Variants in SSX5 observed in about 807,000 individuals in gnomAD.
The protein encoded by SSX5 is SSX family member 5.
In SSX5, 14 loss-of-function variants were observed where a neutral mutation model predicts 14.9. The observed-to-expected ratio is 0.94, with a 90% CI of 0.62 to 1.47. The LOEUF (loss-of-function observed/expected upper bound fraction) is 1.47, where lower values mean the gene tolerates loss of function less well. Among genes scored for constraint, SSX5 ranks in the 40% most tolerant of loss-of-function variants. The pLI, the probability that SSX5 is intolerant of heterozygous loss-of-function variation, is 0.00. For missense variants in SSX5, 204 were observed against 154.6 expected (o/e 1.32, Z -1.70); for synonymous variants, 70 against 55.4 (o/e 1.26, Z -1.17).
chrX:48,187,027 G>A (rs1409751568), intron 7 of SSX5, among the ~76,000 whole-genome samples, 171 bp from the exon 8 acceptor site: 3 of 111,645 alleles, frequency 2.7e-5, no homozygotes, highest in Non-Finnish European at 3.8e-5. Flanking sequence ...TCATACCACA[G>A]TGACTTCCTC....
chrX:48,186,258 G>C lies in SSX5; in HGVS notation c.*603C>G, dbSNP rs184600484. On this transcript the variant is annotated 3_prime_UTR_variant, in exon 8 of 8. Transcript: ENST00000347757. ...GTTTATTAACTGGCAGTGACTGATA[G>C]AGGGGAATCGGATGAGGGGAGTACA... is the stretch of plus-strand genomic sequence containing the variant. The C allele has an allele frequency of 2.3e-3, 347 of 152,252 alleles. No individual in the cohort carries two copies. The highest frequency in any genetic ancestry group is 0.01 in the African/African-American group (319 of 31,523). The allele number at this position is 152,252 out of a possible 1,213,427, so 12.5% of individuals were successfully genotyped here.
intron 4 of SSX5, among the ~76,000 whole-genome samples, chrX:48,193,622 G>C (rs1476216051): frequency 9.0e-6 from 1 of 110,678 alleles, no homozygotes; most frequent in Non-Finnish European, 1.9e-5. Context: ...TTGGGTGGGC[G>C]CCTGTAACCC....
chrX:48,195,395 C>A lies in SSX5; in HGVS notation c.-20-17G>T. On this transcript the variant is annotated splice_polypyrimidine_tract_variant and intron_variant, in intron 1 of 7. Transcript: ENST00000347757. Reference sequence around the variant, plus strand: ...CACTCTGTCCTACAAGAGAAACAGTCTGAGTCTTTCCAGCTGCAGGACCTT... The same window carrying A: ...CACTCTGTCCTACAAGAGAAACAGTATGAGTCTTTCCAGCTGCAGGACCTT... 1 of 1,196,334 alleles carries A rather than the reference C, an allele frequency of 8.4e-7. No homozygotes were observed. Among genetic ancestry groups the A allele is most frequent in the Non-Finnish European group, 1.1e-6 (1 of 883,439 alleles).
chrX:48,195,170 C>A (rs781787831), intron 2 of SSX5, 120 bp downstream of exon 2: 4 of 1,210,593 alleles, frequency 3.3e-6, no homozygotes. Context: ...TCCCAAGGTT[C>A]CAGATGTCCC....
intron 5 of SSX5, among the ~76,000 whole-genome samples, chrX:48,190,815 C>A (rs1253925365): frequency 9.0e-6 from 1 of 111,312 alleles, no homozygotes; most frequent in East Asian, 2.8e-4. Flanking sequence ...ACCAGCCTAC[C>A]GAGGCACCAA....
chrX:48,186,994 G>C, intron 7 of SSX5, 138 bp from the exon 8 acceptor site: 2 of 736,933 alleles, frequency 2.7e-6, no homozygotes, highest in Middle Eastern at 4.5e-4. Flanking sequence ...GCCTTCCATG[G>C]TTCCTTGAAG....
chrX:48,186,768 T>A lies in SSX5; in HGVS notation c.*93A>T. 8.4e-7 allele frequency: 1 copy of A among 1,194,413 alleles called. No homozygotes were observed. Among genetic ancestry groups the A allele is most frequent in the African/African-American group, 1.7e-5 (1 of 57,620 alleles). On this transcript the variant is annotated 3_prime_UTR_variant, in exon 8 of 8. Coordinates refer to ENST00000347757, the MANE Select transcript of SSX5 (RefSeq NM_175723.2). ...CACTTGCTTTCACTTGCTATACACC[T>A]GATGACGAGGGATCCGCAGCCATGC... is the stretch of plus-strand genomic sequence containing the variant.
chrX:48,190,050 G>A, intron 6 of SSX5, 83 bp downstream of exon 6: 1 of 1,148,066 alleles, frequency 8.7e-7, no homozygotes, highest in Admixed American at 2.5e-5. Flanking sequence ...GGCTTGTCTG[G>A]GGTCCATGCC....
chrX:48,186,392 GTGTGTGTGTGTGCGCGCGCGCGCGCA>G lies in SSX5; in HGVS notation c.*443_*468del, dbSNP rs1443286255. The G allele has an allele frequency of 3.1e-4, 75 of 238,673 alleles. No individual in the cohort carries two copies. The highest frequency in any genetic ancestry group is 5.3e-5 in the Non-Finnish European group (7 of 132,998). 19.7% of individuals were successfully genotyped at this position (238,673 alleles called of 1,213,427 possible). A position where few individuals can be genotyped will look rare whatever the true frequency, so the allele number is the denominator to read the frequency against. On this transcript the variant is annotated 3_prime_UTR_variant, in exon 8 of 8. Coordinates refer to ENST00000347757, the MANE Select transcript of SSX5 (RefSeq NM_175723.2). ...TGTGTGTGTGTGTGTGTGTGTGTGTGTGTGTGTGTGTGCGCGCGCGCGCGCATGTGTGTCTGTGTGGCATGTGTGTG... is the reference window on the plus strand; with the variant it reads ...TGTGTGTGTGTGTGTGTGTGTGTGTGTGTGTGTCTGTGTGGCATGTGTGTG...
intron 4 of SSX5, among the ~76,000 whole-genome samples, chrX:48,192,670 T>G (rs1556925016): frequency 8.9e-6 from 1 of 112,493 alleles, no homozygotes; most frequent in Non-Finnish European, 1.9e-5. Context: ...ATTAAGCTGT[T>G]AAATGTGTGA....
At position 48,195,319 on chromosome X, in the gene SSX5, C is replaced by A. The variant is rs782631773; in HGVS notation, c.40G>T (p.Gly14Cys). 25 of 1,209,924 alleles carry A rather than the reference C, an allele frequency of 2.1e-5. No individual in the cohort carries two copies. In the East Asian group the frequency reaches 6.5e-4, roughly 32 times the overall value. Residue 14 changes from glycine (G) to cysteine (C), a missense_variant, in exon 2 of 8, where the codon GGT becomes TGT. Gly to Cys is a radical substitution (Grantham distance 159). Coordinates refer to ENST00000347757, the MANE Select transcript of SSX5 (RefSeq NM_175723.2). ...TGCATCTTCTCTGGTATTTGAGAAC[C>A]AACCCTAGGTCTCCGTACAAAGGCA... ...DDAFVRRPRV[G>C]SQIPEKMQKA...
rs1556923725 is a variant in SSX5 at position 48,186,366 on chromosome X, GT to G, written c.*494del. 0.066 allele frequency: 911 copies of G among 13,758 alleles called. 14 individuals are homozygous for G. The highest frequency in any genetic ancestry group is 0.13 in the African/African-American group (872 of 6,470). The allele number at this position is 13,758 out of a possible 1,213,427, so 1.1% of individuals were successfully genotyped here. A position where few individuals can be genotyped will look rare whatever the true frequency, so the allele number is the denominator to read the frequency against. Reference sequence around the variant, plus strand: ...TGGGAGATGCCTATACTGGTACTTGGTGTGTGTGTGTGTGTGTGTGTGTGTG... The same window carrying G: ...TGGGAGATGCCTATACTGGTACTTGGGTGTGTGTGTGTGTGTGTGTGTGTG... On this transcript the variant is annotated 3_prime_UTR_variant, in exon 8 of 8. Transcript: ENST00000347757.
At chrX:48,195,548 A>G (rs1329902213) in intron 1 of SSX5, among the ~76,000 whole-genome samples, 170 bp from the exon 2 acceptor site, 1 of 111,941 alleles carries the variant, frequency 8.9e-6, no homozygotes, top group Non-Finnish European at 1.9e-5. Context: ...AGATGAAAAC[A>G]GGGAGCCAGG....
At chrX:48,190,297 AG>A in intron 5 of SSX5, 29 bp from the exon 6 acceptor site, 1 of 1,166,753 alleles carries the variant, frequency 8.6e-7, no homozygotes, top group African/African-American at 1.8e-5. Flanking sequence ...ACAGATAAAC[AG>A]TATCAGTGAC....
In SSX5 at chrX:48,190,761, G is replaced by T. The variant is rs1601919956; in HGVS notation, c.331-493C>A. On this transcript the variant is annotated intron_variant, in intron 5 of 7. Transcript: ENST00000347757. ...GGGAGAGGGAAAGAAATGGTTTGCTGAAATTAATCCAGGCAGCAAAGAAAG... is the reference window on the plus strand; with the variant it reads ...GGGAGAGGGAAAGAAATGGTTTGCTTAAATTAATCCAGGCAGCAAAGAAAG... 4.5e-5 allele frequency among the ~76,000 whole-genome samples: 5 copies of T among 111,300 alleles called. No homozygotes were observed. In the South Asian group the frequency reaches 1.9e-3, roughly 43 times the overall value.
intron 5 of SSX5, among the ~76,000 whole-genome samples, chrX:48,191,173 G>T (rs1438679576): frequency 1.8e-5 from 2 of 110,975 alleles, no homozygotes; most frequent in Non-Finnish European, 3.8e-5. Flanking sequence ...AAAGTGCTGG[G>T]ATTACAGTCG....
At position 48,195,325 on chromosome X, in the gene SSX5, T is replaced by C; in HGVS notation, c.34A>G (p.Arg12Gly). The C allele has an allele frequency of 1.7e-6, 2 of 1,211,515 alleles. No individual in the cohort carries two copies. Among genetic ancestry groups the C allele is most frequent in the Non-Finnish European group, 2.2e-6 (2 of 895,431 alleles). The change falls in exon 2 of 8, where the codon AGG (arginine) becomes GGG (glycine). Residue 12 changes from arginine to glycine, a missense_variant. Physicochemically the swap from Arg to Gly is moderately radical, Grantham distance 125. Transcript: ENST00000347757. Reference protein sequence around the residue: ...NGDDAFVRRPRVGSQIPEKMQ... With the variant: ...NGDDAFVRRPGVGSQIPEKMQ... ...TTCTCTGGTATTTGAGAACCAACCC[T>C]AGGTCTCCGTACAAAGGCATCGTCT...
intron 5 of SSX5, among the ~76,000 whole-genome samples, 179 bp from the exon 6 acceptor site, chrX:48,190,447 C>T (rs1215215267): frequency 9.0e-6 from 1 of 111,673 alleles, no homozygotes; most frequent in Non-Finnish European, 1.9e-5. Context: ...AAGGAATGGC[C>T]TAACTGAATA....
Position 48,192,111 on chromosome X carries a change from T to C in SSX5, c.330+121A>G, listed in dbSNP as rs781851927. 167 of 1,095,999 alleles carry C rather than the reference T, an allele frequency of 1.5e-4. 2 individuals are homozygous for C. In the African/African-American group the frequency reaches 2.5e-3, roughly 16 times the overall value. The allele number at this position is 1,095,999 out of a possible 1,213,427, so 90.3% of individuals were successfully genotyped here. A position where few individuals can be genotyped will look rare whatever the true frequency, so the allele number is the denominator to read the frequency against. Reference sequence around the variant, plus strand: ...AAGCCGTCGGTGCTACATCAGGTGTTGTGATAGACATAGGGAGAAGAAGGC... The same window carrying C: ...AAGCCGTCGGTGCTACATCAGGTGTCGTGATAGACATAGGGAGAAGAAGGC... On this transcript the variant is annotated intron_variant, in intron 5 of 7. Transcript: ENST00000347757.
Sources: gnomAD v4.1 joint callset for allele counts (sites outside exome capture counted in the v4.1 genomes callset) on GRCh38, gnomAD v4.1.1 for gene constraint, MANE v1.5 for transcripts, NCBI Gene and HGNC (gene_info 2026-07-23, HGNC 2026-07-21) for gene names.